The following ABLIM1 variants were observed in gnomAD, a reference collection of about 807,000 sequenced individuals.
ABLIM1 encodes the protein actin-binding LIM protein 1.
A neutral mutation model predicts 107.0 loss-of-function variants in ABLIM1; 40 were observed. The ratio of observed to expected loss-of-function variants is 0.37; its 90% CI spans 0.29 to 0.49. The LOEUF is 0.49. ABLIM1 is among the 20% of genes least tolerant of loss of function. The pLI is 0.97. For synonymous variants in ABLIM1, 357 were observed against 357.3 expected (o/e 1.00, Z 0.01); for missense variants, 857 against 1,008.5 (o/e 0.85, Z 2.04).
chr10:114,473,194 T>A (rs2066921627), intron 9 of ABLIM1, 62 bp from the exon 10 acceptor site: 1 of 1,487,512 alleles, frequency 6.7e-7, no homozygotes, highest in African/African-American at 1.4e-5. Context: ...GAAACTGTAG[T>A]TGGCGCATTT....
chr10:114,630,011 C>A (rs1015654763), intron 1 of ABLIM1, among the ~76,000 whole-genome samples: 1 of 152,104 alleles, frequency 6.6e-6, no homozygotes, highest in South Asian at 2.1e-4. Flanking sequence ...AGTATGTGAC[C>A]TCTTGGTGGC....
chr10:114,563,384 AAAGACAGACAACAGAGTTGTCTGTCCGTG>A (rs2070084517), intron 4 of ABLIM1, among the ~76,000 whole-genome samples: 1 of 152,190 alleles, frequency 6.6e-6, no homozygotes, highest in Non-Finnish European at 1.5e-5. Flanking sequence ...CTTGTATAAG[AAAGACAGACAACAGAGTTGTCTGTCCGTG>A]AGTTTTCATT....
chr10:114,492,625 A>T (rs2059153957), intron 6 of ABLIM1, among the ~76,000 whole-genome samples: 1 of 152,234 alleles, frequency 6.6e-6, no homozygotes, highest in Non-Finnish European at 1.5e-5. Context: ...CTCCACATAC[A>T]TGCTTGACAA....
intron 8 of ABLIM1, among the ~76,000 whole-genome samples, chr10:114,484,384 C>G (rs766293187): frequency 1.3e-5 from 2 of 151,994 alleles, no homozygotes; most frequent in Non-Finnish European, 2.9e-5. Context: ...CTTCACTGTT[C>G]TTTTGTTTTT....
At position 114,563,524 on chromosome 10, in the gene ABLIM1, A is replaced by G. The variant is rs74773500; in HGVS notation, c.673+7773T>C. On this transcript the variant is annotated intron_variant, in intron 4 of 22. Coordinates refer to ENST00000533213, the MANE Select transcript of ABLIM1 (RefSeq NM_002313.7). ...TGTGACAAATGTATAATAGTAATATAATACGTTAAGTATATAATAAAGAAT... is the reference window on the plus strand; with the variant it reads ...TGTGACAAATGTATAATAGTAATATGATACGTTAAGTATATAATAAAGAAT... Among the ~76,000 whole-genome samples, 4 of 152,280 alleles carry G rather than the reference A, an allele frequency of 2.6e-5. No individual in the cohort carries two copies. In the East Asian group the frequency reaches 7.7e-4, roughly 29 times the overall value.
At chr10:114,534,637 G>A (rs1010339977) in intron 6 of ABLIM1, among the ~76,000 whole-genome samples, 10 of 151,942 alleles carry the variant, frequency 6.6e-5, no homozygotes, top group African/African-American at 2.2e-4. Flanking sequence ...ACCCGCCGCC[G>A]CCACCCCGCC....
At chr10:114,457,853 T>C (rs368895092) in intron 12 of ABLIM1, among the ~76,000 whole-genome samples, 11 of 152,274 alleles carry the variant, frequency 7.2e-5, no homozygotes, top group African/African-American at 2.6e-4. Context: ...GGGTGAATTA[T>C]TTGAGGTCAG....
intron 6 of ABLIM1, among the ~76,000 whole-genome samples, chr10:114,529,630 A>T (rs144422979): frequency 1.3e-5 from 2 of 152,252 alleles, no homozygotes; most frequent in East Asian, 3.9e-4. Context: ...TCACCTCCCT[A>T]GTTGGGCAGC....
At chr10:114,686,274 C>T (rs2080933145), upstream of ABLIM1, among the ~76,000 whole-genome samples, 2 of 151,658 alleles carry the variant, frequency 1.3e-5, no homozygotes, top group Admixed American at 6.6e-5. Flanking sequence ...TTTGGGAGGC[C>T]GAGATGGGAG....
upstream of ABLIM1, among the ~76,000 whole-genome samples, chr10:114,688,262 A>T (rs143564073): frequency 2.4e-3 from 362 of 152,322 alleles, no homozygotes; most frequent in African/African-American, 8.0e-3. Flanking sequence ...ATGAAACTTC[A>T]TGAGCTTTTC....
intron 1 of ABLIM1, among the ~76,000 whole-genome samples, chr10:114,624,461 C>A (rs1453903989): frequency 1.3e-5 from 2 of 152,206 alleles, no homozygotes; most frequent in Admixed American, 1.3e-4. Context: ...CTCTGTGATG[C>A]AACACAAGTT....
chr10:114,441,434 T>C (rs951348233), intron 18 of ABLIM1, among the ~76,000 whole-genome samples: 1 of 152,266 alleles, frequency 6.6e-6, no homozygotes, highest in African/African-American at 2.4e-5. Context: ...GTAATTACTT[T>C]TTGTTTCATT....
chr10:114,460,553 A>G (rs1175517377), intron 12 of ABLIM1, among the ~76,000 whole-genome samples: 1 of 152,192 alleles, frequency 6.6e-6, no homozygotes, highest in Non-Finnish European at 1.5e-5. Flanking sequence ...GTGAGCTGAG[A>G]TTGTGCCACT....
At chr10:114,624,568 C>T (rs979062882) in intron 1 of ABLIM1, among the ~76,000 whole-genome samples, 2 of 152,178 alleles carry the variant, frequency 1.3e-5, no homozygotes, top group African/African-American at 4.8e-5. Context: ...GAGGCCCAAC[C>T]TCCATTTCAG....
At position 114,440,103 on chromosome 10, in the gene ABLIM1, G is replaced by A; in HGVS notation, c.2060-14C>T. On this transcript the variant is annotated splice_polypyrimidine_tract_variant and intron_variant, in intron 19 of 22. Transcript: ENST00000533213. ...ATACCTGGTAATCTGAAAAGGAAAG[G>A]AAAAGAAAATATCATAAGGGAAAGA... 4.3e-6 allele frequency: 7 copies of A among 1,610,256 alleles called. No homozygotes were observed. Among genetic ancestry groups the A allele is most frequent in the East Asian group, 2.2e-5 (1 of 44,852 alleles).
chr10:114,667,854 C>A (rs951754245), intron 1 of ABLIM1, among the ~76,000 whole-genome samples: 5 of 152,206 alleles, frequency 3.3e-5, no homozygotes, highest in Non-Finnish European at 5.9e-5. Flanking sequence ...CTAGCATGTA[C>A]CCCAATGCAA....
upstream of ABLIM1, among the ~76,000 whole-genome samples, chr10:114,662,457 C>A (rs144914969): frequency 1.6e-3 from 237 of 152,252 alleles, no homozygotes; most frequent in African/African-American, 5.1e-3. Flanking sequence ...TCCCTGCTCC[C>A]CGTAAGTCCT....
At chr10:114,657,896 T>A in intron 1 of ABLIM1, 61 bp downstream of exon 1, 1 of 1,365,098 alleles carries the variant, frequency 7.3e-7, no homozygotes, top group Non-Finnish European at 1.0e-6. Context: ...TGGATAGTAC[T>A]CTCTTAATTA....
chr10:114,487,602 T>C (rs758597114), intron 8 of ABLIM1, among the ~76,000 whole-genome samples: 5 of 152,172 alleles, frequency 3.3e-5, no homozygotes, highest in Non-Finnish European at 7.3e-5. Context: ...AGTAGTGCAT[T>C]ATAGACTAAG....
Sources: gnomAD v4.1 joint callset for allele counts (sites outside exome capture counted in the v4.1 genomes callset) on GRCh38, gnomAD v4.1.1 for gene constraint, MANE v1.5 for transcripts, NCBI Gene and HGNC (gene_info 2026-07-23, HGNC 2026-07-21) for gene names.